The following MESD variants were observed in gnomAD, a reference collection of about 807,000 sequenced individuals.
MESD encodes the protein mesoderm development LRP chaperone.
MESD carries 7 observed loss-of-function variants against 12.9 expected under a neutral mutation model. The ratio of observed to expected loss-of-function variants is 0.54; its 90% CI spans 0.31 to 1.02. The LOEUF is 1.02. Among genes scored for constraint, MESD ranks in the 50% least tolerant of loss-of-function variants. The probability of loss-of-function intolerance (pLI) is 0.05; values close to 1 mark genes in which losing one functional copy is unlikely to be tolerated. For synonymous variants in MESD, 126 were observed against 115.6 expected (o/e 1.09, Z -0.58); for missense variants, 342 against 296.7 (o/e 1.15, Z -1.12).
At chr15:80,947,375 G>A (rs1027412831) in exon 5 of MESD, 2 of 372,586 alleles carry the variant, frequency 5.4e-6, no homozygotes, top group Non-Finnish European at 1.0e-5. Context: ...TAAGAAAAGT[G>A]GCTTAGTCTC....
chr15:80,971,566 T>A (rs2141800174), downstream of MESD, among the ~76,000 whole-genome samples: 1 of 152,310 alleles, frequency 6.6e-6, no homozygotes, highest in East Asian at 1.9e-4. Flanking sequence ...CCAATTGTCT[T>A]CACTGTATTC....
chr15:80,951,994 A>G, exon 4 of MESD: 1 of 338,566 alleles, frequency 3.0e-6, no homozygotes, highest in Non-Finnish European at 5.9e-6. Flanking sequence ...CCATAAGAGC[A>G]GGTGGAGATG....
intron 1 of MESD, among the ~76,000 whole-genome samples, chr15:80,985,639 C>CTTTTTTTTTTTTTTTTTT (rs11425497): frequency 3.4e-5 from 3 of 89,050 alleles, no homozygotes; most frequent in African/African-American, 1.4e-4. Flanking sequence ...TCCCAAGCAG[C>CTTTTTTTTTTTTTTTTTT]TTTTTTTTTT....
In MESD at chr15:80,959,444, G is replaced by T. The variant is rs146851933; in HGVS notation, c.*289-7148C>A. 2.6e-3 allele frequency among the ~76,000 whole-genome samples: 389 copies of T among 152,244 alleles called. 5 individuals are homozygous for T. Among genetic ancestry groups the T allele is most frequent in the Middle Eastern group, 0.024 (7 of 294 alleles). On this transcript the variant is annotated intron_variant, in intron 3 of 4. Transcript: ENST00000561312. The stretch of plus-strand genomic sequence containing the variant: ...AGTTTGAAAGGGCCCTGTTCCAAGT[G>T]GCTGCCTGCTTAGCTGAAGGGGTTC...
At chr15:80,957,271 GA>G (rs989073104) in intron 3 of MESD, among the ~76,000 whole-genome samples, 1 of 148,338 alleles carries the variant, frequency 6.7e-6, no homozygotes, top group African/African-American at 2.5e-5. Context: ...CACTGCAGAA[GA>G]AAAAAAAACA....
chr15:80,952,001 G>A, exon 4 of MESD: 1 of 349,758 alleles, frequency 2.9e-6, no homozygotes, highest in South Asian at 2.1e-5. Context: ...AGCAGGTGGA[G>A]ATGGTTCAAA....
chr15:80,954,897 G>A (rs1298874205), intron 3 of MESD, among the ~76,000 whole-genome samples: 1 of 152,058 alleles, frequency 6.6e-6, no homozygotes, highest in Non-Finnish European at 1.5e-5. Context: ...TTTACGTATG[G>A]CCCAAGACAA....
chr15:80,980,436 C>T (rs1349120176), intron 2 of MESD, among the ~76,000 whole-genome samples: 3 of 152,118 alleles, frequency 2.0e-5, no homozygotes, highest in African/African-American at 2.4e-5. Flanking sequence ...AATTAGTTAT[C>T]GGTTAACAGC....
At chr15:80,989,326 T>C (rs1034718536) in intron 1 of MESD, among the ~76,000 whole-genome samples, 5 of 151,930 alleles carry the variant, frequency 3.3e-5, no homozygotes, top group African/African-American at 4.8e-5. Context: ...AGATCCGTGA[T>C]TGAAGTGGTT....
chr15:80,957,599 AACACACAC>A (rs36008211), intron 3 of MESD, among the ~76,000 whole-genome samples: 1 of 148,796 alleles, frequency 6.7e-6, no homozygotes, highest in African/African-American at 2.5e-5. Flanking sequence ...TCCACTGCAA[AACACACAC>A]ACACACACAC....
chr15:80,983,256 AAAAAG>A (rs1323630414), intron 1 of MESD, among the ~76,000 whole-genome samples: 2 of 152,088 alleles, frequency 1.3e-5, no homozygotes, highest in South Asian at 2.1e-4. Flanking sequence ...AGAAAAAAAA[AAAAAG>A]AAAAGAAATA....
chr15:80,981,361 G>A lies in MESD; in HGVS notation c.446+589C>T, dbSNP rs564140442. Among the ~76,000 whole-genome samples the A allele has an allele frequency of 6.6e-4, 98 of 147,582 alleles. 1 individual carries two copies. The South Asian group carries it at 0.011, about 17-fold the overall frequency. On this transcript the variant is annotated intron_variant, in intron 2 of 2. Coordinates refer to ENST00000261758, the MANE Select transcript of MESD (RefSeq NM_015154.3). ...CTGAGGCAGGAGAATGGCGTGAACC[G>A]GGAAGGCGGAGCTTGCAGTGAGCTG... is the stretch of plus-strand genomic sequence containing the variant.
At chr15:80,952,315 G>A (rs1901861977) in intron 3 of MESD, 1 of 442,022 alleles carries the variant, frequency 2.3e-6, no homozygotes, top group African/African-American at 2.0e-5. Context: ...GAGAGAGTGA[G>A]AGGCAGAGGT....
At chr15:80,966,710 T>A (rs1902181947) in intron 3 of MESD, among the ~76,000 whole-genome samples, 1 of 152,210 alleles carries the variant, frequency 6.6e-6, no homozygotes, top group Admixed American at 6.5e-5. Flanking sequence ...GGAAAATCCC[T>A]CTGTTGCAAG....
intron 3 of MESD, among the ~76,000 whole-genome samples, chr15:80,957,868 G>A (rs1343469343): frequency 4.7e-5 from 7 of 149,424 alleles, no homozygotes; most frequent in Non-Finnish European, 7.4e-5. Flanking sequence ...TGGATGAAGC[G>A]CCACCCACCC....
Position 80,976,194 on chromosome 15 carries a change from T to C in MESD, c.*3025A>G, listed in dbSNP as rs2141805259. The C allele has an allele frequency of 6.6e-6, 1 of 152,548 alleles. No individual in the cohort carries two copies. The highest frequency in any genetic ancestry group is 1.5e-5 in the Non-Finnish European group (1 of 68,202). 9.4% of individuals were successfully genotyped at this position (152,548 alleles called of 1,614,324 possible). On this transcript the variant is annotated 3_prime_UTR_variant, in exon 3 of 3. Transcript: ENST00000261758. ...TTAGTAGAGACAGGGCTTCACCATG[T>C]TGGCCAGGCTGGTCTCAAACTCCTG... is the stretch of plus-strand genomic sequence containing the variant.
chr15:80,965,409 T>A (rs539318755), intron 3 of MESD, among the ~76,000 whole-genome samples: 27 of 152,314 alleles, frequency 1.8e-4, no homozygotes, highest in African/African-American at 5.5e-4. Flanking sequence ...TCCTCAAGGA[T>A]CTAGAACTAG....
chr15:80,978,184 C>T lies in MESD; in HGVS notation c.*1035G>A, dbSNP rs1465155388. 2.0e-5 allele frequency: 3 copies of T among 152,186 alleles called. No homozygotes were observed. The highest frequency in any genetic ancestry group is 4.4e-5 in the Non-Finnish European group (3 of 68,040). The allele number at this position is 152,186 out of a possible 1,614,324, so 9.4% of individuals were successfully genotyped here. A position where few individuals can be genotyped will look rare whatever the true frequency, so the allele number is the denominator to read the frequency against. ...CTTTTCACTTTGTACCATTCTTTAA[C>T]ACTGACATTTTCTAACCATGTAATG... On this transcript the variant is annotated 3_prime_UTR_variant, in exon 3 of 3. Transcript: ENST00000261758.
intron 3 of MESD, among the ~76,000 whole-genome samples, chr15:80,962,433 A>G (rs12910917): frequency 6.6e-6 from 1 of 152,122 alleles, no homozygotes; most frequent in Non-Finnish European, 1.5e-5. Flanking sequence ...ACAGATCGAG[A>G]CAGAAAATTA....
Sources: allele counts gnomAD v4.1 joint callset (sites outside exome capture counted in the v4.1 genomes callset), GRCh38; gene constraint gnomAD v4.1.1; transcripts MANE v1.5; gene names NCBI Gene and HGNC (gene_info 2026-07-23, HGNC 2026-07-21).